CACNA1I: variants seen among roughly 807,000 people sequenced by gnomAD.
CACNA1I encodes the protein voltage-dependent T-type calcium channel subunit alpha-1I.
CACNA1I carries 74 observed loss-of-function variants against 201.6 expected under a neutral mutation model. That is an observed-to-expected ratio of 0.37 (90% CI 0.30 to 0.45). The LOEUF (loss-of-function observed/expected upper bound fraction) is 0.45, where lower values mean the gene tolerates loss of function less well. Ranked by LOEUF, CACNA1I falls within the 20% of genes least tolerant of loss-of-function variation. The probability of loss-of-function intolerance (pLI) is 1.00; values close to 1 mark genes in which losing one functional copy is unlikely to be tolerated. For missense variants in CACNA1I, 2,346 were observed against 3,138.1 expected, an observed-to-expected ratio of 0.75 and a Z score of 6.03; for synonymous variants, 1,431 against 1,345.2, an observed-to-expected ratio of 1.06 and a Z score of -1.40.
In CACNA1I at chr22:39,679,154, C is replaced by A. The variant is rs1466267394; in HGVS notation, c.5103C>A (p.Ser1701Arg). The A allele has an allele frequency of 1.1e-5, 18 of 1,594,046 alleles. No individual in the cohort carries two copies. The highest frequency in any genetic ancestry group is 1.7e-5 in the Admixed American group (1 of 57,578). The change falls in exon 32 of 37, where the codon AGC (serine) becomes AGA (arginine). Residue 1701 changes from serine to arginine, a missense_variant. By Grantham distance (110) the Ser-to-Arg change is moderately radical (BLOSUM62 -1). Around this residue, in one of 13 missense-constraint regions of CACNA1I, gnomAD observed 64 missense variants for 131.8 expected, o/e 0.49. Coordinates refer to ENST00000402142, the MANE Select transcript of CACNA1I (RefSeq NM_021096.4). ...ACGACGAGCGCAGCTGCCTGAGCAGCCTGCAGTTTGTGTCGCCGCTGTACT... is the reference window on the plus strand; with the variant it reads ...ACGACGAGCGCAGCTGCCTGAGCAGACTGCAGTTTGTGTCGCCGCTGTACT... Reference protein sequence around the residue: ...CTHDERSCLSSLQFVSPLYFV... With the variant: ...CTHDERSCLSRLQFVSPLYFV...
intron 18 of CACNA1I, 71 bp downstream of exon 18, chr22:39,662,947 C>T: frequency 2.8e-6 from 3 of 1,053,854 alleles, no homozygotes; most frequent in Non-Finnish European, 4.3e-6. Context: ...TCTGCCAAGC[C>T]AGGCAAGGCC....
At chr22:39,658,357 G>T in intron 11 of CACNA1I, 54 bp downstream of exon 11, 1 of 1,542,096 alleles carries the variant, frequency 6.5e-7, no homozygotes, top group Non-Finnish European at 8.9e-7. Flanking sequence ...GACATTTACT[G>T]CAAAGACCCC....
rs779997754 is a variant in CACNA1I, at chr22:39,681,066, G to T, written c.5664+14G>T. Reference sequence around the variant, plus strand: ...AAAGACAGCAAGGTCAGCTCCCCTGGGGACTCCTGAGCAGGCGGGTCTGTC... The same window carrying T: ...AAAGACAGCAAGGTCAGCTCCCCTGTGGACTCCTGAGCAGGCGGGTCTGTC... On this transcript the variant is annotated intron_variant, in intron 34 of 36. Coordinates refer to ENST00000402142, the MANE Select transcript of CACNA1I (RefSeq NM_021096.4). 1.9e-6 allele frequency: 3 copies of T among 1,605,254 alleles called. No homozygotes were observed. Among genetic ancestry groups the T allele is most frequent in the Non-Finnish European group, 1.7e-6 (2 of 1,177,490 alleles).
intron 3 of CACNA1I, among the ~76,000 whole-genome samples, chr22:39,618,283 G>GTA (rs1933615022): frequency 3.7e-5 from 1 of 27,306 alleles, no homozygotes. Flanking sequence ...GTGACTGTGT[G>GTA]TGTGACTGTG....
chr22:39,662,704 G>A (rs1314572707), intron 17 of CACNA1I, 72 bp from the exon 18 acceptor site: 4 of 1,153,864 alleles, frequency 3.5e-6, no homozygotes, highest in Admixed American at 2.0e-5. Context: ...CAGTTGGCGC[G>A]ATGGCCGCAT....
intron 10 of CACNA1I, among the ~76,000 whole-genome samples, chr22:39,652,538 T>C (rs1259722791): frequency 6.6e-6 from 1 of 152,208 alleles, no homozygotes; most frequent in Non-Finnish European, 1.5e-5. Context: ...GCAGGTATTA[T>C]TACCTCGCCC....
At chr22:39,644,503 G>A (rs367991381) in intron 7 of CACNA1I, among the ~76,000 whole-genome samples, 2 of 152,108 alleles carry the variant, frequency 1.3e-5, no homozygotes, top group East Asian at 1.9e-4. Flanking sequence ...GAGTGCTGGC[G>A]AGAGGCTGAA....
In CACNA1I at chr22:39,640,874, G is replaced by A; in HGVS notation, c.748G>A (p.Asp250Asn). 2 of 1,612,096 alleles carry A rather than the reference G, an allele frequency of 1.2e-6. No homozygotes were observed. Among genetic ancestry groups the A allele is most frequent in the Non-Finnish European group, 1.7e-6 (2 of 1,178,938 alleles). The change falls in exon 6 of 37, where the codon GAT becomes AAT. Residue 250 changes from aspartate to asparagine, a missense_variant. By Grantham distance (23) the Asp-to-Asn change is conservative. This residue lies in a region of CACNA1I where 227 missense variants were observed against 412.5 expected (regional missense o/e 0.55). Transcript: ENST00000402142. ...ACCCTCGCCTGTGGACAGACAAGGG[G>A]ATGTGGCCTTGCCCCCATACTACCA... ...FLEENFTIQG[D>N]VALPPYYQPE...
At chr22:39,616,758 CTG>C (rs1417986448) in intron 3 of CACNA1I, among the ~76,000 whole-genome samples, 4 of 130,412 alleles carry the variant, frequency 3.1e-5, no homozygotes, top group Admixed American at 8.1e-5. Context: ...GAGTGAAACT[CTG>C]TCTCAAAAAA....
chr22:39,604,279 CA>C (rs1209189337), intron 3 of CACNA1I, among the ~76,000 whole-genome samples: 1 of 152,102 alleles, frequency 6.6e-6, no homozygotes, highest in Non-Finnish European at 1.5e-5. Context: ...CTAAGCTGAG[CA>C]GGGTGAAGAG....
intron 7 of CACNA1I, 148 bp from the exon 8 acceptor site, chr22:39,646,421 C>T (rs993294254): frequency 3.9e-5 from 50 of 1,287,550 alleles, no homozygotes; most frequent in Non-Finnish European, 4.7e-5. Flanking sequence ...GCCTCTGTAC[C>T]GCCATCTCCA....
At chr22:39,596,921 C>T (rs1291768329) in intron 1 of CACNA1I, among the ~76,000 whole-genome samples, 1 of 152,116 alleles carries the variant, frequency 6.6e-6, no homozygotes, top group Non-Finnish European at 1.5e-5. Context: ...TCCTGACACT[C>T]AGTTTCTGGG....
chr22:39,616,229 C>A lies in CACNA1I; in HGVS notation c.483-3081C>A, dbSNP rs1009360536. ...CTGCCAGGCAGCGGCTGTTTCTGTT[C>A]CCCTCCAAGATGGGGGCGGATGGCG... On this transcript the variant is annotated intron_variant, in intron 3 of 36. Transcript: ENST00000402142. Among the ~76,000 whole-genome samples the A allele has an allele frequency of 3.3e-5, 5 of 152,174 alleles. No homozygotes were observed. In the South Asian group the frequency reaches 8.3e-4, roughly 25 times the overall value.
chr22:39,664,667 G>C, intron 20 of CACNA1I, 72 bp from the exon 21 acceptor site: 1 of 416,494 alleles, frequency 2.4e-6, no homozygotes, highest in Non-Finnish European at 4.2e-6. Flanking sequence ...CCCTTGCATA[G>C]AGCCCGGTTG....
chr22:39,607,893 G>A (rs1933263999), intron 3 of CACNA1I, among the ~76,000 whole-genome samples: 1 of 113,378 alleles, frequency 8.8e-6, no homozygotes, highest in African/African-American at 3.8e-5. Flanking sequence ...GGGGTGCCAA[G>A]GCGGGGGGGG....
chr22:39,640,755 C>T (rs550450322), intron 5 of CACNA1I, 112 bp from the exon 6 acceptor site: 259 of 870,192 alleles, frequency 3.0e-4, no homozygotes, highest in Middle Eastern at 7.0e-4. Flanking sequence ...GTGCCAAGGC[C>T]TGGAGGCAGT....
chr22:39,595,266 C>T (rs1385203576), intron 1 of CACNA1I, among the ~76,000 whole-genome samples: 3 of 151,102 alleles, frequency 2.0e-5, no homozygotes, highest in Non-Finnish European at 4.4e-5. Flanking sequence ...TTCAGCCTGG[C>T]GACAGAGCAA....
In CACNA1I at chr22:39,677,816, C is replaced by T. The variant is rs1314256563; in HGVS notation, c.4934-171C>T. Reference sequence around the variant, plus strand: ...GCCAGACTCACCCAAACCTGAGCCCCAGCTCATGTGCCATCTCCCCGAGCC... The same window carrying T: ...GCCAGACTCACCCAAACCTGAGCCCTAGCTCATGTGCCATCTCCCCGAGCC... On this transcript the variant is annotated intron_variant, in intron 30 of 36. Transcript: ENST00000402142. This position sits in a 1 kb window ranked among gnomAD's most constrained non-coding sequence, Gnocchi z 4.8. Among the ~76,000 whole-genome samples, 4 of 152,378 alleles carry T rather than the reference C, an allele frequency of 2.6e-5. No homozygotes were observed. Among genetic ancestry groups the T allele is most frequent in the Non-Finnish European group, 1.5e-5 (1 of 68,032 alleles).
Position 39,646,789 on chromosome 22 carries a change from ACCAGGCCCTGCAGAGCCGGCG to A in CACNA1I, c.1381_1401del (p.Gln461_Leu467del), listed in dbSNP as rs760302515. 3.8e-6 allele frequency: 6 copies of A among 1,569,042 alleles called. No individual in the cohort carries two copies. In the Admixed American group the frequency reaches 1.1e-4, roughly 29 times the overall value. On this transcript the variant is annotated inframe_deletion, in exon 8 of 37. Transcript: ENST00000402142. ...GCCAAGCGCCGCGCCCTGGGCCTCT[ACCAGGCCCTGCAGAGCCGGCG>A]CCAGGCCCTGGGCCCGGAGGCCCCG...
Sources: allele counts gnomAD v4.1 joint callset (sites outside exome capture counted in the v4.1 genomes callset), GRCh38; gene constraint gnomAD v4.1.1; regional missense constraint gnomAD v4.1.1; non-coding constraint Gnocchi (gnomAD v3.1); transcripts MANE v1.5; gene names NCBI Gene and HGNC (gene_info 2026-07-23, HGNC 2026-07-21).